Variants in PRKD1 observed in about 807,000 individuals in gnomAD.
PRKD1 encodes protein kinase D1.
Under a neutral mutation model 95.9 loss-of-function variants are expected in PRKD1, and 63 were observed. The ratio of observed to expected loss-of-function variants is 0.66; its 90% confidence interval spans 0.54 to 0.81. The LOEUF is 0.81. PRKD1 is among the 30% of genes least tolerant of loss of function. The pLI, the probability that PRKD1 is intolerant of heterozygous loss-of-function variation, is 0.00. For synonymous variants in PRKD1, 425 were observed against 423.1 expected, an observed-to-expected ratio of 1.00 and a Z score of -0.05; for missense variants, 1,048 against 1,165.3, an observed-to-expected ratio of 0.90 and a Z score of 1.47.
At chr14:29,763,140 A>AG (rs1316899260) in intron 1 of PRKD1, among the ~76,000 whole-genome samples, 4 of 149,008 alleles carry the variant, frequency 2.7e-5, no homozygotes, top group African/African-American at 9.9e-5. Context: ...AAAAAAAAAA[A>AG]AAAAAAAAAG....
chr14:29,751,888 T>A (rs1176863848), intron 1 of PRKD1, among the ~76,000 whole-genome samples: 1 of 152,210 alleles, frequency 6.6e-6, no homozygotes, highest in Non-Finnish European at 1.5e-5. Flanking sequence ...CACTACTACG[T>A]AAACAGCACA....
chr14:29,917,905 G>A (rs28569216), intron 1 of PRKD1, among the ~76,000 whole-genome samples: 10,848 of 152,144 alleles, frequency 0.071, 434 homozygotes, highest in African/African-American at 0.1. Context: ...CTACATACCT[G>A]TAGATAATTT....
chr14:29,853,215 T>C (rs983169240), intron 1 of PRKD1, among the ~76,000 whole-genome samples: 54 of 152,272 alleles, frequency 3.5e-4, no homozygotes, highest in East Asian at 1.9e-4. Flanking sequence ...CACCTAATAA[T>C]AGATCATCAA....
intron 11 of PRKD1, among the ~76,000 whole-genome samples, chr14:29,628,012 C>T (rs1191604): frequency 0.93 from 141,967 of 152,282 alleles, 66,486 homozygotes; most frequent in Non-Finnish European, 0.98. Flanking sequence ...CCACAGCTAT[C>T]AGGAATTTCC....
At chr14:29,603,902 CA>C (rs1465130840) in intron 13 of PRKD1, among the ~76,000 whole-genome samples, 6 of 152,138 alleles carry the variant, frequency 3.9e-5, no homozygotes, top group African/African-American at 1.2e-4. Flanking sequence ...TGGCCAAGTA[CA>C]GGAAAAAATA....
At chr14:29,912,072 T>C (rs566803464) in intron 1 of PRKD1, among the ~76,000 whole-genome samples, 1 of 152,346 alleles carries the variant, frequency 6.6e-6, no homozygotes, top group African/African-American at 2.4e-5. Context: ...GCTCCTGCTC[T>C]TCATATTCAC....
intron 1 of PRKD1, among the ~76,000 whole-genome samples, chr14:29,801,149 G>A (rs1361394416): frequency 6.6e-6 from 1 of 152,016 alleles, no homozygotes; most frequent in African/African-American, 2.4e-5. Context: ...CTAAGGGCAG[G>A]CAAGCTAGCT....
intron 1 of PRKD1, among the ~76,000 whole-genome samples, chr14:29,757,790 T>A (rs892002859): frequency 2.0e-5 from 3 of 151,572 alleles, no homozygotes; most frequent in Non-Finnish European, 4.4e-5. Context: ...GAGACAGGGG[T>A]GAATGGCAGT....
In PRKD1 at chr14:29,578,298, T is replaced by C. The variant is rs1408600552; in HGVS notation, c.2497A>G (p.Thr833Ala). ...KMRKRYSVDK[T>A]LSHPWLQDYQ... The stretch of plus-strand genomic sequence containing the variant: ...ACCTGTAGCCAAGGGTGGCTCAAGG[T>C]CTTATCCACACTGTAGCGCTTTCTC... Residue 833 changes from threonine (T) to alanine (A), a missense_variant, in exon 17 of 18, where the codon ACC becomes GCC. This residue lies in a region of PRKD1 where 739 missense variants were observed against 861.9 expected (regional missense o/e 0.86). Transcript: ENST00000331968. The C allele has an allele frequency of 1.9e-6, 3 of 1,610,034 alleles. No individual in the cohort carries two copies. The highest frequency in any genetic ancestry group is 2.5e-6 in the Non-Finnish European group (3 of 1,178,596).
chr14:29,729,568 G>C (rs1886333704), intron 1 of PRKD1, among the ~76,000 whole-genome samples: 1 of 151,912 alleles, frequency 6.6e-6, no homozygotes, highest in African/African-American at 2.4e-5. Flanking sequence ...TAACAAACTT[G>C]TCAATTTTAT....
rs529168757 is a variant in PRKD1 at position 29,833,483 on chromosome 14, T to C, written c.264+93766A>G. On this transcript the variant is annotated intron_variant, in intron 1 of 17. Coordinates refer to ENST00000331968, the MANE Select transcript of PRKD1 (RefSeq NM_002742.3). ...TAACATTCAGCTACCCAAAATGGGATGGGCAACTTCCCTCCTTTAATATAT... is the reference window on the plus strand; with the variant it reads ...TAACATTCAGCTACCCAAAATGGGACGGGCAACTTCCCTCCTTTAATATAT... Among the ~76,000 whole-genome samples, 55 of 152,222 alleles carry C rather than the reference T, an allele frequency of 3.6e-4. No individual in the cohort carries two copies. In the South Asian group the frequency reaches 0.01, roughly 28 times the overall value.
At position 29,789,492 on chromosome 14, in the gene PRKD1, T is replaced by G. The variant is rs1889437262; in HGVS notation, c.265-63818A>C. 2.0e-5 allele frequency among the ~76,000 whole-genome samples: 3 copies of G among 152,136 alleles called. No individual in the cohort carries two copies. The South Asian group carries it at 6.2e-4, about 32-fold the overall frequency. On this transcript the variant is annotated intron_variant, in intron 1 of 17. Coordinates refer to ENST00000331968, the MANE Select transcript of PRKD1 (RefSeq NM_002742.3). ...TGTGTTGGTATAGTGTGTTTATAAT[T>G]TCTTTGACTCTATCAGCATTAGTGG...
At chr14:29,622,006 T>C (rs1285328314) in intron 13 of PRKD1, among the ~76,000 whole-genome samples, 1 of 152,210 alleles carries the variant, frequency 6.6e-6, no homozygotes, top group African/African-American at 2.4e-5. Context: ...CTGCATCTAA[T>C]ATTTTAGAGC....
At chr14:29,923,810 GAAAA>G (rs768450153) in intron 1 of PRKD1, among the ~76,000 whole-genome samples, 20 of 99,990 alleles carry the variant, frequency 2.0e-4, no homozygotes, top group African/African-American at 6.1e-4. Flanking sequence ...CTCATTTGAG[GAAAA>G]AAAAAAAAAA....
chr14:29,881,607 T>C (rs1046864534), intron 1 of PRKD1, among the ~76,000 whole-genome samples: 6 of 152,158 alleles, frequency 3.9e-5, no homozygotes, highest in African/African-American at 1.4e-4. Context: ...GGTGGTTTGG[T>C]TTGGTTAAGT....
intron 1 of PRKD1, among the ~76,000 whole-genome samples, chr14:29,759,353 A>G (rs945228366): frequency 6.6e-6 from 1 of 152,248 alleles, no homozygotes; most frequent in African/African-American, 2.4e-5. Flanking sequence ...CACAGCACCC[A>G]TGAAATAGAT....
chr14:29,851,003 A>T (rs192757125), intron 1 of PRKD1, among the ~76,000 whole-genome samples: 1 of 152,236 alleles, frequency 6.6e-6, no homozygotes, highest in East Asian at 1.9e-4. Flanking sequence ...TGGGGAAAGG[A>T]CTCCCTATTC....
At position 29,632,905 on chromosome 14, in the gene PRKD1, G is replaced by A. The variant is rs147948478; in HGVS notation, c.1356C>T (p.Thr452=). 504 of 1,613,646 alleles carry A rather than the reference G, an allele frequency of 3.1e-4. 2 individuals are homozygous for A. In the African/African-American group the frequency reaches 5.7e-3, roughly 18 times the overall value. The part of the protein sequence containing the change: ...HYWRLDSKCI[T]LFQNDTGSRY... ...TGCTTCCTGTGTCATTCTGAAAGAG[G>A]GTAATACATTTGCTATCCAATCTCC... The change falls in exon 9 of 18, where the codon ACC becomes ACT. Residue 452 remains threonine (T), a synonymous_variant. Transcript: ENST00000331968.
chr14:29,617,815 C>G (rs192752541), intron 13 of PRKD1, among the ~76,000 whole-genome samples: 1 of 151,880 alleles, frequency 6.6e-6, no homozygotes, highest in Non-Finnish European at 1.5e-5. Context: ...GCCTGTAATC[C>G]CAGCATTTGG....
Sources: allele counts gnomAD v4.1 joint callset (sites outside exome capture counted in the v4.1 genomes callset), GRCh38; gene constraint gnomAD v4.1.1; regional missense constraint gnomAD v4.1.1; transcripts MANE v1.5; gene names NCBI Gene and HGNC (gene_info 2026-07-23, HGNC 2026-07-21).